The following ZFYVE9 variants were observed in gnomAD, a reference collection of about 807,000 sequenced individuals.
ZFYVE9 encodes zinc finger FYVE-type containing 9.
In ZFYVE9, 43 loss-of-function variants were observed where a neutral mutation model predicts 126.7. The observed-to-expected ratio is 0.34, with a 90% CI of 0.27 to 0.44. The LOEUF (loss-of-function observed/expected upper bound fraction) is 0.44, where lower values mean the gene tolerates loss of function less well. ZFYVE9 is among the 20% of genes least tolerant of loss of function. The probability of loss-of-function intolerance (pLI) is 1.00; values close to 1 mark genes in which losing one functional copy is unlikely to be tolerated. For missense variants in ZFYVE9, 1,476 were observed against 1,697.0 expected (o/e 0.87, Z 2.29); for synonymous variants, 521 against 597.4 (o/e 0.87, Z 1.87).
At position 52,180,099 on chromosome 1, in the gene ZFYVE9, A is replaced by G. The variant is rs539806335; in HGVS notation, c.-142-36270A>G. 56 of 919,120 alleles carry G rather than the reference A, an allele frequency of 6.1e-5. No individual in the cohort carries two copies. The African/African-American group carries it at 8.6e-4, about 14-fold the overall frequency. The allele number at this position is 919,120 out of a possible 1,614,324, so 56.9% of individuals were successfully genotyped here. A position where few individuals can be genotyped will look rare whatever the true frequency, so the allele number is the denominator to read the frequency against. On this transcript the variant is annotated intron_variant, in intron 1 of 18. Coordinates refer to ENST00000287727, the MANE Select transcript of ZFYVE9 (RefSeq NM_004799.4). ...TGAGTGGAAAGCAACTAAATTGAAG[A>G]ATAAATTTGAAGAAGTTTTGGAGAT...
At chr1:52,218,265 C>T (rs1645089963) in intron 2 of ZFYVE9, among the ~76,000 whole-genome samples, 1 of 151,610 alleles carries the variant, frequency 6.6e-6, no homozygotes, top group African/African-American at 2.4e-5. Context: ...ATTGGTCCCC[C>T]ACAATACCAC....
intron 1 of ZFYVE9, among the ~76,000 whole-genome samples, chr1:52,193,806 G>A (rs1211415990): frequency 8.7e-5 from 13 of 149,402 alleles, no homozygotes; most frequent in East Asian, 4.0e-4. Context: ...ACGCACGCGC[G>A]CACACACACA....
chr1:52,148,391 G>A lies in ZFYVE9; in HGVS notation c.-143+5988G>A, dbSNP rs142358442. Among the ~76,000 whole-genome samples the A allele has an allele frequency of 3.7e-3, 557 of 151,920 alleles. 1 individual carries two copies. Among genetic ancestry groups the A allele is most frequent in the Non-Finnish European group, 6.6e-3 (448 of 67,980 alleles). ...TAATCCCAGCTACTTGGGAGGCTGAGACAGGAGAATTGCTTGAACCAGGGA... is the reference window on the plus strand; with the variant it reads ...TAATCCCAGCTACTTGGGAGGCTGAAACAGGAGAATTGCTTGAACCAGGGA... On this transcript the variant is annotated intron_variant, in intron 1 of 18. Coordinates refer to ENST00000287727, the MANE Select transcript of ZFYVE9 (RefSeq NM_004799.4).
chr1:52,342,542 T>C (rs1308610217), intron 17 of ZFYVE9, among the ~76,000 whole-genome samples: 1 of 151,542 alleles, frequency 6.6e-6, no homozygotes, highest in Non-Finnish European at 1.5e-5. Context: ...AGTGCCTTTT[T>C]TTTTTTTTTT....
intron 4 of ZFYVE9, among the ~76,000 whole-genome samples, chr1:52,263,085 A>AAAAG (rs1213799369): frequency 6.6e-6 from 1 of 151,066 alleles, no homozygotes; most frequent in Non-Finnish European, 1.5e-5. Flanking sequence ...TCTCAAAAAA[A>AAAAG]AAAAAAAAAA....
At chr1:52,218,858 T>C (rs1645096982) in intron 2 of ZFYVE9, among the ~76,000 whole-genome samples, 1 of 152,062 alleles carries the variant, frequency 6.6e-6, no homozygotes, top group African/African-American at 2.4e-5. Flanking sequence ...CAAAGATGCC[T>C]GTAGGGTCTT....
At chr1:52,260,212 A>T (rs1645565546) in intron 4 of ZFYVE9, among the ~76,000 whole-genome samples, 1 of 152,118 alleles carries the variant, frequency 6.6e-6, no homozygotes, top group Non-Finnish European at 1.5e-5. Flanking sequence ...TTAAAAAAAA[A>T]ATCTTTGCTA....
chr1:52,218,514 C>T (rs1645093484), intron 2 of ZFYVE9, among the ~76,000 whole-genome samples: 1 of 152,140 alleles, frequency 6.6e-6, no homozygotes, highest in Admixed American at 6.5e-5. Flanking sequence ...TTTCCCCAGG[C>T]TGTGGGGTGC....
chr1:52,337,579 A>G (rs1350380733), intron 15 of ZFYVE9, among the ~76,000 whole-genome samples, 193 bp from the exon 16 acceptor site: 1 of 152,256 alleles, frequency 6.6e-6, no homozygotes, highest in Non-Finnish European at 1.5e-5. Flanking sequence ...AGTGAAATCA[A>G]CAAGCATGTG....
intron 7 of ZFYVE9, 121 bp from the exon 8 acceptor site, chr1:52,274,343 C>A: frequency 8.1e-7 from 1 of 1,233,616 alleles, no homozygotes; most frequent in Non-Finnish European, 1.1e-6. Context: ...ATATTTTGTG[C>A]TACCTTTCAA....
Position 52,263,782 on chromosome 1 carries a change from G to A in ZFYVE9, c.2188G>A (p.Ala730Thr). 1 of 1,282,286 alleles carries A rather than the reference G, an allele frequency of 7.8e-7. No individual in the cohort carries two copies. The highest frequency in any genetic ancestry group is 1.1e-6 in the Non-Finnish European group (1 of 939,238). 79.4% of individuals were successfully genotyped at this position (1,282,286 alleles called of 1,614,324 possible). ...CCCCCCCCCCCCACAGGTTTTCTGT[G>A]CTTCCTGCTGTAGCCTGAAATGTAA... ...HCRACGKVFCASCCSLKCKLL... is the reference protein window; with the variant it reads ...HCRACGKVFCTSCCSLKCKLL... Residue 730 changes from alanine to threonine, a missense_variant, in exon 5 of 19, where the codon GCT becomes ACT. Transcript: ENST00000287727.
rs952298905 is a variant in ZFYVE9 at position 52,238,656 on chromosome 1, C to T, written c.1239C>T (p.Ser413=). The T allele has an allele frequency of 1.9e-6, 3 of 1,613,970 alleles. No individual in the cohort carries two copies. Among genetic ancestry groups the T allele is most frequent in the Non-Finnish European group, 2.5e-6 (3 of 1,179,972 alleles). The change falls in exon 4 of 19, where the codon AGC becomes AGT. Residue 413 remains serine (S), a synonymous_variant. Coordinates refer to ENST00000287727, the MANE Select transcript of ZFYVE9 (RefSeq NM_004799.4). The stretch of plus-strand genomic sequence containing the variant: ...CTAAACTAAATGAGATGAATGATAG[C>T]CAAGTAAACGAAGAAAAGGAAAAGT... The part of the protein sequence containing the change: ...KLTKLNEMND[S]QVNEEKEKFL...
intron 1 of ZFYVE9, among the ~76,000 whole-genome samples, chr1:52,152,216 C>T (rs1218153433): frequency 6.6e-6 from 1 of 152,176 alleles, no homozygotes; most frequent in Non-Finnish European, 1.5e-5. Flanking sequence ...TCTCGAACTC[C>T]TGACCTCAGA....
intron 1 of ZFYVE9, among the ~76,000 whole-genome samples, chr1:52,182,180 C>A (rs1048348468): frequency 2.4e-4 from 36 of 152,062 alleles, no homozygotes; most frequent in African/African-American, 8.7e-4. Context: ...TGAGGGGCGC[C>A]TCTGCCCGGC....
At chr1:52,174,810 G>A (rs1175923248) in intron 1 of ZFYVE9, among the ~76,000 whole-genome samples, 6 of 152,026 alleles carry the variant, frequency 3.9e-5, no homozygotes, top group African/African-American at 1.2e-4. Flanking sequence ...TGTTTTATCC[G>A]AGACTAGGAT....
chr1:52,220,537 C>G lies in ZFYVE9; in HGVS notation c.-37+4063C>G, dbSNP rs374143685. 6.6e-5 allele frequency among the ~76,000 whole-genome samples: 10 copies of G among 152,278 alleles called. No individual in the cohort carries two copies. The East Asian group carries it at 1.9e-3, about 29-fold the overall frequency. ...ACCCTGGGTTTCTTCCCGTGGGAGG[C>G]TGCTTCTTTAGGGTTTCCTTACTAG... On this transcript the variant is annotated intron_variant, in intron 2 of 18. Transcript: ENST00000287727.
chr1:52,162,157 T>C (rs1644467775), intron 1 of ZFYVE9: 1 of 200,264 alleles, frequency 5.0e-6, no homozygotes, highest in Admixed American at 4.7e-5. Context: ...GAAAAAAATG[T>C]CCTTCATTGC....
chr1:52,235,865 C>G (rs1220863717), intron 3 of ZFYVE9, among the ~76,000 whole-genome samples: 1 of 152,102 alleles, frequency 6.6e-6, no homozygotes, highest in Non-Finnish European at 1.5e-5. Context: ...TTTTCTACTC[C>G]TACATAATAG....
chr1:52,315,946 ACT>A (rs755218158), intron 13 of ZFYVE9, among the ~76,000 whole-genome samples: 63 of 152,106 alleles, frequency 4.1e-4, no homozygotes, highest in Non-Finnish European at 8.4e-4. Context: ...CAGGCAGATC[ACT>A]TGAGGTCAGG....
Sources: allele counts gnomAD v4.1 joint callset (sites outside exome capture counted in the v4.1 genomes callset), GRCh38; gene constraint gnomAD v4.1.1; transcripts MANE v1.5; gene names NCBI Gene and HGNC (gene_info 2026-07-23, HGNC 2026-07-21).